Variants in ILRUN observed in about 807,000 individuals in gnomAD.
ILRUN encodes inflammation and lipid regulator with UBA-like and NBR1-like domains.
In ILRUN, 3 loss-of-function variants were observed where a neutral mutation model predicts 33.8. The observed-to-expected ratio is 0.09, with a 90% CI of 0.04 to 0.23. The LOEUF (loss-of-function observed/expected upper bound fraction) is 0.23, where lower values mean the gene tolerates loss of function less well. Ranked by LOEUF, ILRUN falls within the 10% of genes least tolerant of loss-of-function variation. The pLI is 1.00. For missense variants in ILRUN, 210 were observed against 375.1 expected (o/e 0.56, Z 3.64); for synonymous variants, 124 against 138.9 (o/e 0.89, Z 0.75).
intron 4 of ILRUN, among the ~76,000 whole-genome samples, chr6:34,591,914 T>C (rs1761301694): frequency 6.6e-6 from 1 of 152,176 alleles, no homozygotes; most frequent in East Asian, 1.9e-4. Context: ...ATGATAAGGT[T>C]TATTCCAACT....
Position 34,589,396 on chromosome 6 carries a change from T to C in ILRUN, c.*1169A>G, listed in dbSNP as rs767941596. 6.6e-6 allele frequency: 1 copy of C among 152,308 alleles called. No homozygotes were observed. Among genetic ancestry groups the C allele is most frequent in the East Asian group, 1.9e-4 (1 of 5,200 alleles). 9.4% of individuals were successfully genotyped at this position (152,308 alleles called of 1,614,324 possible). On this transcript the variant is annotated 3_prime_UTR_variant, in exon 5 of 5. Transcript: ENST00000374023. Reference sequence around the variant, plus strand: ...TCTAAATGTGGTCTCCAAGATCAAGTAGTCAGTGGCTGGCCCTTCCCCATG... The same window carrying C: ...TCTAAATGTGGTCTCCAAGATCAAGCAGTCAGTGGCTGGCCCTTCCCCATG...
At chr6:34,638,106 T>C (rs968015030) in intron 3 of ILRUN, among the ~76,000 whole-genome samples, 2 of 152,056 alleles carry the variant, frequency 1.3e-5, no homozygotes, top group African/African-American at 4.8e-5. Context: ...CAGGCTGGTC[T>C]TGGGCTCCTG....
chr6:34,694,517 C>T (rs1441854899), intron 1 of ILRUN, among the ~76,000 whole-genome samples: 1 of 152,140 alleles, frequency 6.6e-6, no homozygotes, highest in Admixed American at 6.6e-5. Flanking sequence ...GTTCAATAAC[C>T]CATGTCTCTC....
intron 4 of ILRUN, among the ~76,000 whole-genome samples, chr6:34,603,372 C>T (rs922867494): frequency 6.6e-6 from 1 of 152,146 alleles, no homozygotes; most frequent in Non-Finnish European, 1.5e-5. Context: ...AATTTACTCA[C>T]GCCTGTAATC....
chr6:34,637,295 T>C (rs181352044), intron 3 of ILRUN, among the ~76,000 whole-genome samples: 92 of 152,328 alleles, frequency 6.0e-4, no homozygotes, highest in African/African-American at 2.0e-3. Context: ...TGCTGAAATA[T>C]GTCATCTTTA....
chr6:34,623,732 C>T (rs1475342087), intron 3 of ILRUN, among the ~76,000 whole-genome samples: 1 of 152,140 alleles, frequency 6.6e-6, no homozygotes, highest in Non-Finnish European at 1.5e-5. Flanking sequence ...TGTTGAAAAG[C>T]ACTTAAATAT....
intron 3 of ILRUN, among the ~76,000 whole-genome samples, chr6:34,629,527 T>C (rs1447956673): frequency 6.6e-6 from 1 of 152,210 alleles, no homozygotes; most frequent in Non-Finnish European, 1.5e-5. Flanking sequence ...GGAGAAATCA[T>C]ATGTAATTCC....
At chr6:34,669,300 T>TC (rs1763068386) in intron 1 of ILRUN, among the ~76,000 whole-genome samples, 1 of 150,920 alleles carries the variant, frequency 6.6e-6, no homozygotes, top group African/African-American at 2.4e-5. Flanking sequence ...TTTTTTTTTT[T>TC]TTTTTTTTGG....
chr6:34,657,483 T>A (rs757011973), intron 1 of ILRUN, among the ~76,000 whole-genome samples: 36 of 152,228 alleles, frequency 2.4e-4, no homozygotes, highest in South Asian at 1.4e-3. Flanking sequence ...TCAAAGCTTA[T>A]TTGTATGTGT....
Position 34,678,958 on chromosome 6 carries a change from C to T in ILRUN, c.158+17488G>A, listed in dbSNP as rs1024542591. Among the ~76,000 whole-genome samples the T allele has an allele frequency of 2.0e-5, 3 of 150,564 alleles. No individual in the cohort carries two copies. In the East Asian group the frequency reaches 5.8e-4, roughly 29 times the overall value. On this transcript the variant is annotated intron_variant, in intron 1 of 4. Coordinates refer to ENST00000374023, the MANE Select transcript of ILRUN (RefSeq NM_024294.4). ...AATTCATAAGATAAATACAACAGAC[C>T]TTTAGCACATGAAAGTACTCATGAG...
chr6:34,660,096 G>A (rs1254043386), intron 1 of ILRUN, among the ~76,000 whole-genome samples: 1 of 150,864 alleles, frequency 6.6e-6, no homozygotes, highest in Non-Finnish European at 1.5e-5. Flanking sequence ...CAGCCCAGAA[G>A]TTTGAGACTA....
In ILRUN at chr6:34,671,499, A is replaced by T. The variant is rs148856295; in HGVS notation, c.159-16720T>A. On this transcript the variant is annotated intron_variant, in intron 1 of 4. Coordinates refer to ENST00000374023, the MANE Select transcript of ILRUN (RefSeq NM_024294.4). ...AGCCTTTCATTCTATTTGGAGAAAGAAAGTTATCTGTATAATATATGTGGC... is the reference window on the plus strand; with the variant it reads ...AGCCTTTCATTCTATTTGGAGAAAGTAAGTTATCTGTATAATATATGTGGC... Among the ~76,000 whole-genome samples the T allele has an allele frequency of 1.6e-4, 25 of 152,374 alleles. No individual in the cohort carries two copies. In the East Asian group the frequency reaches 4.4e-3, roughly 27 times the overall value.
chr6:34,665,949 TAA>T (rs201865272), intron 1 of ILRUN, among the ~76,000 whole-genome samples: 24 of 134,318 alleles, frequency 1.8e-4, no homozygotes, highest in Admixed American at 3.0e-4. Flanking sequence ...CATCTATGCT[TAA>T]AAAAAAAAAA....
chr6:34,597,159 GA>G (rs2127309880), intron 4 of ILRUN, among the ~76,000 whole-genome samples: 2 of 152,256 alleles, frequency 1.3e-5, no homozygotes, highest in East Asian at 3.9e-4. Context: ...AACTGTGAAT[GA>G]AAACACATTA....
chr6:34,694,794 T>A (rs1763723217), intron 1 of ILRUN, among the ~76,000 whole-genome samples: 1 of 152,070 alleles, frequency 6.6e-6, no homozygotes, highest in African/African-American at 2.4e-5. Context: ...TCACACCTGT[T>A]CCCAGCACTT....
At chr6:34,609,617 C>CA (rs1256475256) in intron 3 of ILRUN, among the ~76,000 whole-genome samples, 19 of 149,916 alleles carry the variant, frequency 1.3e-4, no homozygotes, top group Middle Eastern at 6.8e-3. Context: ...AGCCTATCTC[C>CA]AAAAAAAAGG....
At chr6:34,591,527 T>C (rs1582026192) in intron 4 of ILRUN, among the ~76,000 whole-genome samples, 1 of 138,560 alleles carries the variant, frequency 7.2e-6, no homozygotes, top group Middle Eastern at 4.0e-3. Flanking sequence ...GGAGATGGAG[T>C]TTCCCTCTGT....
chr6:34,616,778 T>C lies in ILRUN; in HGVS notation c.512-9874A>G, dbSNP rs186768565. On this transcript the variant is annotated intron_variant, in intron 3 of 4. Transcript: ENST00000374023. ...CTTCTATGTACCTGCAGAACTCAAA[T>C]TGGCATTTATCATTAGGATCAGAGG... is the stretch of plus-strand genomic sequence containing the variant. 215 of 692,422 alleles carry C rather than the reference T, an allele frequency of 3.1e-4. 1 individual carries two copies. Among genetic ancestry groups the C allele is most frequent in the Admixed American group, 9.5e-4 (47 of 49,578 alleles). 42.9% of individuals were successfully genotyped at this position (692,422 alleles called of 1,614,324 possible).
chr6:34,659,020 C>A (rs887379570), intron 1 of ILRUN, among the ~76,000 whole-genome samples: 1 of 152,192 alleles, frequency 6.6e-6, no homozygotes, highest in Admixed American at 6.5e-5. Context: ...ATTTAATGAA[C>A]GAGCATTTAC....
Sources: allele counts gnomAD v4.1 joint callset (sites outside exome capture counted in the v4.1 genomes callset), GRCh38; gene constraint gnomAD v4.1.1; transcripts MANE v1.5; gene names NCBI Gene and HGNC (gene_info 2026-07-23, HGNC 2026-07-21).